The following CELF2 variants were observed in gnomAD, a reference collection of about 807,000 sequenced individuals.
CELF2 encodes CUG triplet repeat RNA-binding protein 2.
CELF2 carries 8 observed loss-of-function variants against 62.6 expected under a neutral mutation model. The ratio of observed to expected loss-of-function variants is 0.13; its 90% CI spans 0.07 to 0.23. The LOEUF (loss-of-function observed/expected upper bound fraction) is 0.23, where lower values mean the gene tolerates loss of function less well. CELF2 is among the 10% of genes least tolerant of loss of function. CELF2 has a pLI of 1.00. For missense variants in CELF2, 333 were observed against 671.0 expected (o/e 0.50, Z 5.56); for synonymous variants, 258 against 250.0 (o/e 1.03, Z -0.30).
chr10:11,157,686 T>C lies in CELF2; in HGVS notation c.75-7800T>C, dbSNP rs990638320. On this transcript the variant is annotated intron_variant, in intron 1 of 12. Transcript: ENST00000633077. The surrounding 1 kb of genome is among the most constrained non-coding windows in gnomAD (Gnocchi z 4.9). The stretch of plus-strand genomic sequence containing the variant: ...TGCCTGACATAAAGCAGATATTCAG[T>C]AACTGAGAATGAGAAGGAAAGAAAA... Among the ~76,000 whole-genome samples, 2 of 152,212 alleles carry C rather than the reference T, an allele frequency of 1.3e-5. No homozygotes were observed. Among genetic ancestry groups the C allele is most frequent in the African/African-American group, 4.8e-5 (2 of 41,448 alleles).
At position 11,243,591 on chromosome 10, in the gene CELF2, G is replaced by T. The variant is rs1157824619; in HGVS notation, c.355-5562G>T. Among the ~76,000 whole-genome samples, 1 of 152,186 alleles carries T rather than the reference G, an allele frequency of 6.6e-6. No homozygotes were observed. The highest frequency in any genetic ancestry group is 1.5e-5 in the Non-Finnish European group (1 of 68,038). On this transcript the variant is annotated intron_variant, in intron 3 of 12. Transcript: ENST00000633077. This position sits in a 1 kb window ranked among gnomAD's most constrained non-coding sequence, Gnocchi z 4.1. ...AGATCTCCTGTCGTCTTCCAGGCTTGCTGCAAGTGCAGCTGAGATGAACAT... is the reference window on the plus strand; with the variant it reads ...AGATCTCCTGTCGTCTTCCAGGCTTTCTGCAAGTGCAGCTGAGATGAACAT...
the CELF2 span, among the ~76,000 whole-genome samples, chr10:10,531,823 T>C: frequency 6.6e-6 from 1 of 152,346 alleles, no homozygotes; most frequent in African/African-American, 2.4e-5. Context: ...TAAAAGGCAA[T>C]ATCAATCCTG....
chr10:11,273,515 C>T (rs563684877), intron 7 of CELF2, among the ~76,000 whole-genome samples: 41 of 152,210 alleles, frequency 2.7e-4, no homozygotes, highest in East Asian at 2.5e-3. Flanking sequence ...CTTCTTTCCC[C>T]GGTGCCAAAA....
intron 1 of CELF2, among the ~76,000 whole-genome samples, chr10:10,812,031 A>G (rs2055948744): frequency 6.6e-6 from 1 of 152,150 alleles, no homozygotes; most frequent in Non-Finnish European, 1.5e-5. Flanking sequence ...AATAATCCAC[A>G]TGCAGGGTCC....
At chr10:10,505,044 A>AT in the CELF2 span, among the ~76,000 whole-genome samples, 4 of 152,130 alleles carry the variant, frequency 2.6e-5, no homozygotes, top group Admixed American at 1.3e-4. Flanking sequence ...GCATCTATTG[A>AT]TTTTTTCCAT....
chr10:11,314,193 C>G lies in CELF2; in HGVS notation c.1031C>G (p.Ser344Cys). 1.9e-6 allele frequency: 3 copies of G among 1,614,072 alleles called. No individual in the cohort carries two copies. Among genetic ancestry groups the G allele is most frequent in the Non-Finnish European group, 2.5e-6 (3 of 1,179,924 alleles). The change falls in exon 10 of 13, where the codon TCT becomes TGT. Residue 344 changes from serine to cysteine, a missense_variant. By Grantham distance (112) the Ser-to-Cys change is moderately radical (BLOSUM62 -1). This residue lies in a region of CELF2 where 253 missense variants were observed against 503.0 expected (regional missense o/e 0.50). Coordinates refer to ENST00000633077, the MANE Select transcript of CELF2 (RefSeq NM_001326342.2). The surrounding 1 kb of genome is among the most constrained non-coding windows in gnomAD (Gnocchi z 5.3). ...TAGAAMNSLT[S>C]LGTLQGLAGA... is the part of the protein sequence containing the mutation. ...GGTGCAGCCATGAACTCCTTGACCTCTCTCGGGACTCTGCAAGGACTGGCT... is the reference window on the plus strand; with the variant it reads ...GGTGCAGCCATGAACTCCTTGACCTGTCTCGGGACTCTGCAAGGACTGGCT...
chr10:10,537,174 C>A, the CELF2 span, among the ~76,000 whole-genome samples: 1 of 152,180 alleles, frequency 6.6e-6, no homozygotes, highest in Non-Finnish European at 1.5e-5. Flanking sequence ...AGACACAAGA[C>A]TTAGCTCTTA....
At chr10:10,963,647 C>T (rs969256545) in intron 2 of CELF2, among the ~76,000 whole-genome samples, 1 of 145,428 alleles carries the variant, frequency 6.9e-6, no homozygotes, top group Non-Finnish European at 1.5e-5. Context: ...GTCCATCCTG[C>T]CATATATTTG....
intron 2 of CELF2, among the ~76,000 whole-genome samples, chr10:11,193,665 G>A (rs1003247551): frequency 1.3e-5 from 2 of 152,174 alleles, no homozygotes; most frequent in South Asian, 2.1e-4. Flanking sequence ...TACAGCAGAA[G>A]GATAGTACCC....
At chr10:10,486,441 T>A in the CELF2 span, among the ~76,000 whole-genome samples, 1 of 152,206 alleles carries the variant, frequency 6.6e-6, no homozygotes, top group African/African-American at 2.4e-5. Flanking sequence ...TTTGTCTTCA[T>A]ACAAAAGTAA....
At chr10:10,695,902 A>G in the CELF2 span, among the ~76,000 whole-genome samples, 3 of 151,466 alleles carry the variant, frequency 2.0e-5, no homozygotes, top group African/African-American at 2.4e-5. Flanking sequence ...CTAGATATAC[A>G]TTCTTCTAAA....
chr10:11,004,935 T>C (rs536274748), upstream of CELF2, among the ~76,000 whole-genome samples: 3 of 152,306 alleles, frequency 2.0e-5, no homozygotes, highest in Admixed American at 1.3e-4. This position sits in a 1 kb window ranked among gnomAD's most constrained non-coding sequence, Gnocchi z 5.0. Context: ...CGATGCTTGC[T>C]GGTAGTTTTG....
At position 10,938,944 on chromosome 10, in the gene CELF2, C is replaced by T. The variant is rs1054575365; in HGVS notation, c.89+18945C>T. Among the ~76,000 whole-genome samples, 3 of 152,182 alleles carry T rather than the reference C, an allele frequency of 2.0e-5. No homozygotes were observed. The highest frequency in any genetic ancestry group is 3.2e-3 in the Middle Eastern group (1 of 316). Reference sequence around the variant, plus strand: ...TGTCTTTCTCCATGCCTAGGCCAAGCGCTCCTGCAGCAGCAAAATCCCTCT... The same window carrying T: ...TGTCTTTCTCCATGCCTAGGCCAAGTGCTCCTGCAGCAGCAAAATCCCTCT... On this transcript the variant is annotated intron_variant, in intron 2 of 13. Coordinates refer to the CELF2 transcript ENST00000636488. This position sits in a 1 kb window ranked among gnomAD's most constrained non-coding sequence, Gnocchi z 4.2.
intron 12 of CELF2, among the ~76,000 whole-genome samples, chr10:11,327,640 A>G (rs1480254733): frequency 2.0e-5 from 3 of 152,200 alleles, no homozygotes; most frequent in Non-Finnish European, 4.4e-5. Flanking sequence ...CTTGATAAAG[A>G]CCCAGAGGGA....
rs2094986937 is a variant in CELF2 at position 11,316,415 on chromosome 10, A to G, written c.1096+2157A>G. Reference sequence around the variant, plus strand: ...CAATCTCCAGCATTGACCTCGAGCTAATATTTGCTGCTTGTCTCTAAATAT... The same window carrying G: ...CAATCTCCAGCATTGACCTCGAGCTGATATTTGCTGCTTGTCTCTAAATAT... On this transcript the variant is annotated intron_variant, in intron 10 of 12. Coordinates refer to ENST00000633077, the MANE Select transcript of CELF2 (RefSeq NM_001326342.2). This position sits in a 1 kb window ranked among gnomAD's most constrained non-coding sequence, Gnocchi z 4.4. Among the ~76,000 whole-genome samples the G allele has an allele frequency of 6.6e-6, 1 of 152,204 alleles. No individual in the cohort carries two copies. The highest frequency in any genetic ancestry group is 1.5e-5 in the Non-Finnish European group (1 of 68,024).
intron 1 of CELF2, among the ~76,000 whole-genome samples, chr10:10,854,957 A>G (rs1360358499): frequency 6.6e-6 from 1 of 152,100 alleles, no homozygotes; most frequent in Admixed American, 6.6e-5. Context: ...GAACAAGTTC[A>G]GATTTCCAAC....
At position 11,285,635 on chromosome 10, in the gene CELF2, A is replaced by G. The variant is rs1317286290; in HGVS notation, c.842-2783A>G. On this transcript the variant is annotated intron_variant, in intron 8 of 12. Transcript: ENST00000633077. This position sits in a 1 kb window ranked among gnomAD's most constrained non-coding sequence, Gnocchi z 4.3. ...TATCTGTACAGTGGATTAGTTAATG[A>G]TTGAGAGGAAACAGCCAATATTTGA... Among the ~76,000 whole-genome samples the G allele has an allele frequency of 6.6e-6, 1 of 152,188 alleles. No homozygotes were observed. The highest frequency in any genetic ancestry group is 6.5e-5 in the Admixed American group (1 of 15,282).
chr10:10,638,715 A>C, the CELF2 span, among the ~76,000 whole-genome samples: 37 of 152,220 alleles, frequency 2.4e-4, no homozygotes, highest in African/African-American at 8.7e-4. Context: ...AAATCATGAA[A>C]TCTGACTCAG....
chr10:11,213,826 A>G lies in CELF2; in HGVS notation c.272-3599A>G, dbSNP rs17149876. On this transcript the variant is annotated intron_variant, in intron 2 of 12. Coordinates refer to ENST00000633077, the MANE Select transcript of CELF2 (RefSeq NM_001326342.2). ...ACTTAACCAATCACTGTACTTGTTA[A>G]GTGAACCATTATGAATGCTGAACAA... Among the ~76,000 whole-genome samples the G allele has an allele frequency of 1.4e-3, 217 of 152,364 alleles. 5 individuals carry two copies. In the East Asian group the frequency reaches 0.032, roughly 22 times the overall value.
Sources: allele counts gnomAD v4.1 joint callset (sites outside exome capture counted in the v4.1 genomes callset), GRCh38; gene constraint gnomAD v4.1.1; regional missense constraint gnomAD v4.1.1; non-coding constraint Gnocchi (gnomAD v3.1); transcripts MANE v1.5; gene names NCBI Gene and HGNC (gene_info 2026-07-23, HGNC 2026-07-21).